Variants in CNGB3 observed in about 807,000 individuals in gnomAD.
CNGB3 encodes cyclic nucleotide gated channel subunit beta 3, also known as cyclic nucleotide-gated channel beta-3.
Under a neutral mutation model 92.8 loss-of-function variants are expected in CNGB3, and 86 were observed. That is an observed-to-expected ratio of 0.93 (90% CI 0.78 to 1.11). CNGB3 has a LOEUF of 1.11. Ranked by LOEUF, CNGB3 falls within the 50% of genes least tolerant of loss-of-function variation. The pLI, the probability that CNGB3 is intolerant of heterozygous loss-of-function variation, is 0.00. For synonymous variants in CNGB3, 333 were observed against 332.7 expected (o/e 1.00, Z -0.01); for missense variants, 1,026 against 956.8 (o/e 1.07, Z -0.95).
intron 3 of CNGB3, among the ~76,000 whole-genome samples, chr8:86,698,180 A>G (rs1463180098): frequency 1.3e-5 from 2 of 152,210 alleles, no homozygotes; most frequent in African/African-American, 4.8e-5. Context: ...CTCTTTGAAA[A>G]TGAATTCATT....
chr8:86,621,961 G>A (rs956073384), intron 13 of CNGB3, among the ~76,000 whole-genome samples: 8 of 152,074 alleles, frequency 5.3e-5, no homozygotes, highest in Non-Finnish European at 8.8e-5. Flanking sequence ...CAGGAGAATC[G>A]CTTGAACCCG....
chr8:86,659,335 G>A, intron 6 of CNGB3: 1 of 1,171,216 alleles, frequency 8.5e-7, no homozygotes, highest in Non-Finnish European at 1.3e-6. Flanking sequence ...ATGGCCTGCT[G>A]TAACTGCTGG....
intron 13 of CNGB3, among the ~76,000 whole-genome samples, chr8:86,622,496 CAAAA>C (rs1049797493): frequency 5.3e-5 from 8 of 151,514 alleles, no homozygotes; most frequent in Non-Finnish European, 8.8e-5. Context: ...CCCGGCAAGA[CAAAA>C]AACATTTCCA....
At chr8:86,720,117 CA>C (rs1170305080) in intron 3 of CNGB3, among the ~76,000 whole-genome samples, 15 of 152,120 alleles carry the variant, frequency 9.9e-5, no homozygotes, top group Non-Finnish European at 2.1e-4. Flanking sequence ...AACCCAAAAG[CA>C]AATGCAACAA....
At chr8:86,582,446 A>T (rs1163221311) in intron 15 of CNGB3, among the ~76,000 whole-genome samples, 1 of 151,954 alleles carries the variant, frequency 6.6e-6, no homozygotes, top group Non-Finnish European at 1.5e-5. Context: ...CAGATACAAA[A>T]CCATAGATCC....
intron 3 of CNGB3, among the ~76,000 whole-genome samples, chr8:86,691,667 T>G (rs1824319309): frequency 6.6e-6 from 1 of 152,176 alleles, no homozygotes; most frequent in Non-Finnish European, 1.5e-5. Context: ...TGTTTACTTT[T>G]CAAATAACCA....
chr8:86,724,827 G>A (rs1462298797), intron 3 of CNGB3, among the ~76,000 whole-genome samples: 6 of 151,982 alleles, frequency 3.9e-5, no homozygotes, highest in South Asian at 2.1e-4. Flanking sequence ...AAAAGCCTGC[G>A]GCAGGAGGGA....
intron 10 of CNGB3, among the ~76,000 whole-genome samples, chr8:86,638,065 A>G (rs1263839191): frequency 6.6e-6 from 1 of 151,978 alleles, no homozygotes; most frequent in Non-Finnish European, 1.5e-5. Flanking sequence ...ATTCCTTTTT[A>G]TTGCTGCATA....
At chr8:86,605,371 A>G (rs1822393082) in intron 14 of CNGB3, among the ~76,000 whole-genome samples, 2 of 152,206 alleles carry the variant, frequency 1.3e-5, no homozygotes, top group Admixed American at 1.3e-4. Flanking sequence ...AACTCTAAAT[A>G]GGCCAGATTG....
Position 86,664,466 on chromosome 8 carries a change from G to A in CNGB3, c.852+2459C>T, listed in dbSNP as rs147263064. Among the ~76,000 whole-genome samples, 15 of 152,190 alleles carry A rather than the reference G, an allele frequency of 9.9e-5. No individual in the cohort carries two copies. The South Asian group carries it at 1.0e-3, about 10-fold the overall frequency. On this transcript the variant is annotated intron_variant, in intron 6 of 17. Transcript: ENST00000320005. ...TCTGTGCAGCCCTTGCTGAGCCTTG[G>A]GAGGAGGATGGCACATTGGCCACAG...
At chr8:86,711,883 G>C (rs1438710385) in intron 3 of CNGB3, among the ~76,000 whole-genome samples, 1 of 149,798 alleles carries the variant, frequency 6.7e-6, no homozygotes, top group South Asian at 2.1e-4. Flanking sequence ...TAAATATTAT[G>C]TATAATAAAT....
At chr8:86,618,911 A>G (rs1822670494) in intron 13 of CNGB3, among the ~76,000 whole-genome samples, 1 of 152,198 alleles carries the variant, frequency 6.6e-6, no homozygotes, top group African/African-American at 2.4e-5. Flanking sequence ...TCTGTCACTC[A>G]CACACAAAAC....
chr8:86,671,057 T>A lies in CNGB3; in HGVS notation c.380A>T (p.Tyr127Phe). The A allele has an allele frequency of 6.2e-7, 1 of 1,614,060 alleles. No homozygotes were observed. The highest frequency in any genetic ancestry group is 8.5e-7 in the Non-Finnish European group (1 of 1,180,020). Residue 127 changes from tyrosine to phenylalanine, a missense_variant, in exon 4 of 18, where the codon TAT (tyrosine) becomes TTT (phenylalanine). Physicochemically the swap from Tyr to Phe is conservative, Grantham distance 22. Coordinates refer to ENST00000320005, the MANE Select transcript of CNGB3 (RefSeq NM_019098.5). ...KPPAAPVINE[Y>F]ADAQLHNLVK... ...CAGGTTGTGTAGCTGGGCATCGGCA[T>A]ACTCATTTATAACAGGAGCTGCAGG...
chr8:86,702,335 A>G (rs1481040167), intron 3 of CNGB3, among the ~76,000 whole-genome samples: 1 of 152,196 alleles, frequency 6.6e-6, no homozygotes, highest in Non-Finnish European at 1.5e-5. Context: ...GTATTGTTCT[A>G]TCATTGGGCA....
rs1457372191 is a variant in CNGB3, at chr8:86,583,348, G to A, written c.1782-4096C>T. 2.6e-5 allele frequency among the ~76,000 whole-genome samples: 4 copies of A among 152,282 alleles called. No homozygotes were observed. In the East Asian group the frequency reaches 7.7e-4, roughly 29 times the overall value. ...AGAATTGGAAACATTCTGTTGTAAG[G>A]CACCACATGTGAAGTGGCATAGTGT... On this transcript the variant is annotated intron_variant, in intron 15 of 17. Coordinates refer to ENST00000320005, the MANE Select transcript of CNGB3 (RefSeq NM_019098.5).
chr8:86,643,967 C>T lies in CNGB3; in HGVS notation c.1056-94G>A, dbSNP rs1288197701. 7 of 1,398,070 alleles carry T rather than the reference C, an allele frequency of 5.0e-6. No individual in the cohort carries two copies. In the South Asian group the frequency reaches 5.9e-5, roughly 12 times the overall value. 86.6% of individuals were successfully genotyped at this position (1,398,070 alleles called of 1,614,324 possible). ...CTTTTCCTTAAAGTCACCAGCGAAC[C>T]CCTTGCTTTGGATTTGTGAACTGTT... On this transcript the variant is annotated intron_variant, in intron 9 of 17. Coordinates refer to ENST00000320005, the MANE Select transcript of CNGB3 (RefSeq NM_019098.5).
chr8:86,589,292 C>T (rs2131544225), intron 15 of CNGB3, among the ~76,000 whole-genome samples: 1 of 151,104 alleles, frequency 6.6e-6, no homozygotes, highest in African/African-American at 2.4e-5. Context: ...AAAACCAGAT[C>T]CTGGATTCAT....
intron 10 of CNGB3, among the ~76,000 whole-genome samples, chr8:86,638,141 C>A (rs1563736201): frequency 6.6e-6 from 1 of 152,042 alleles, no homozygotes; most frequent in Non-Finnish European, 1.5e-5. Context: ...ACCTAGCCTG[C>A]CTCAAGTTTT....
chr8:86,629,466 A>T (rs1284208369), intron 11 of CNGB3, among the ~76,000 whole-genome samples: 1 of 152,248 alleles, frequency 6.6e-6, no homozygotes, highest in African/African-American at 2.4e-5. Flanking sequence ...TGAAAAAATT[A>T]TACAGCTGTG....
Sources: allele counts gnomAD v4.1 joint callset (sites outside exome capture counted in the v4.1 genomes callset), GRCh38; gene constraint gnomAD v4.1.1; transcripts MANE v1.5; gene names NCBI Gene and HGNC (gene_info 2026-07-23, HGNC 2026-07-21).